TIAM1: variants seen among roughly 807,000 people sequenced by gnomAD.
TIAM1 encodes rho guanine nucleotide exchange factor TIAM1.
TIAM1 carries 65 observed loss-of-function variants against 163.5 expected under a neutral mutation model. The ratio of observed to expected loss-of-function variants is 0.40; its 90% CI spans 0.33 to 0.49. The LOEUF (loss-of-function observed/expected upper bound fraction) is 0.49, where lower values mean the gene tolerates loss of function less well. Ranked by LOEUF, TIAM1 falls within the 20% of genes least tolerant of loss-of-function variation. TIAM1 has a pLI of 0.77. For synonymous variants in TIAM1, 833 were observed against 810.1 expected (o/e 1.03, Z -0.48); for missense variants, 1,789 against 2,044.7 (o/e 0.87, Z 2.41).
intron 15 of TIAM1, among the ~76,000 whole-genome samples, chr21:31,180,312 C>A (rs199901772): frequency 6.6e-6 from 1 of 152,098 alleles, no homozygotes; most frequent in African/African-American, 2.4e-5. Context: ...TCAGGGACAG[C>A]GAATTTGATG....
chr21:31,404,455 A>ACT (rs1441682599), intron 2 of TIAM1, among the ~76,000 whole-genome samples: 1 of 151,908 alleles, frequency 6.6e-6, no homozygotes, highest in Non-Finnish European at 1.5e-5. Context: ...ATCAAAAAAC[A>ACT]CTGGTCAAAT....
At position 31,339,278 on chromosome 21, in the gene TIAM1, C is replaced by T. The variant is rs2075947135; in HGVS notation, c.-224G>A. The T allele has an allele frequency of 2.5e-6, 1 of 398,422 alleles. No homozygotes were observed. The highest frequency in any genetic ancestry group is 4.4e-6 in the Non-Finnish European group (1 of 226,044). 24.7% of individuals were successfully genotyped at this position (398,422 alleles called of 1,614,324 possible). A position where few individuals can be genotyped will look rare whatever the true frequency, so the allele number is the denominator to read the frequency against. The stretch of plus-strand genomic sequence containing the variant: ...ACAGAAGAGGCTTTGTCAAGATCTC[C>T]AAATGGGCCATCTGCAGGGACTGCT... On this transcript the variant is annotated 5_prime_UTR_variant, in exon 2 of 28. Transcript: ENST00000541036.
intron 3 of TIAM1, among the ~76,000 whole-genome samples, chr21:31,276,502 C>T (rs183188660): frequency 1.3e-5 from 2 of 152,138 alleles, no homozygotes; most frequent in Non-Finnish European, 2.9e-5. Flanking sequence ...CAATTCACAG[C>T]GGAGAAAGGA....
chr21:31,397,380 T>C (rs111968446), intron 2 of TIAM1, among the ~76,000 whole-genome samples: 4 of 152,316 alleles, frequency 2.6e-5, no homozygotes, highest in African/African-American at 9.6e-5. Flanking sequence ...TAAGGGTCCA[T>C]GTTTCAAACC....
At chr21:31,133,093 A>T (rs1049140227) in intron 23 of TIAM1, among the ~76,000 whole-genome samples, 1 of 152,100 alleles carries the variant, frequency 6.6e-6, no homozygotes, top group African/African-American at 2.4e-5. Context: ...GGTAACCATG[A>T]TCCTTCCTTC....
intron 1 of TIAM1, among the ~76,000 whole-genome samples, chr21:31,479,442 AGGATGGATGGATAGAT>A (rs1430969311): frequency 3.8e-5 from 5 of 132,522 alleles, no homozygotes; most frequent in African/African-American, 8.3e-5. Flanking sequence ...GATGAATGGA[AGGATGGATGGATAGAT>A]GGATGGATGG....
At chr21:31,475,487 A>G (rs1385348502) in intron 1 of TIAM1, among the ~76,000 whole-genome samples, 1 of 152,196 alleles carries the variant, frequency 6.6e-6, no homozygotes, top group East Asian at 1.9e-4. Flanking sequence ...GGTATTAAAT[A>G]AATGTTATTT....
chr21:31,548,504 T>C (rs1198849458), intron 1 of TIAM1, among the ~76,000 whole-genome samples: 2 of 150,128 alleles, frequency 1.3e-5, no homozygotes, highest in Non-Finnish European at 3.0e-5. Context: ...TTTTTTTTTT[T>C]TGAGACGAGA....
At chr21:31,206,796 C>G (rs949735150) in intron 11 of TIAM1, among the ~76,000 whole-genome samples, 2 of 150,790 alleles carry the variant, frequency 1.3e-5, no homozygotes, top group Non-Finnish European at 2.9e-5. Flanking sequence ...GAATTTACTG[C>G]CTTAGAGCTC....
At chr21:31,538,266 G>T (rs2048204637) in intron 1 of TIAM1, among the ~76,000 whole-genome samples, 1 of 152,144 alleles carries the variant, frequency 6.6e-6, no homozygotes, top group Non-Finnish European at 1.5e-5. Flanking sequence ...TATGTGGCCA[G>T]GTGCGGTTAC....
At chr21:31,295,459 G>T (rs2074216601) in intron 2 of TIAM1, among the ~76,000 whole-genome samples, 2 of 104,514 alleles carry the variant, frequency 1.9e-5, no homozygotes, top group Admixed American at 1.4e-4. Context: ...GACAGAGTGA[G>T]ACTCCATCAC....
chr21:31,398,974 G>A (rs1352599122), intron 2 of TIAM1, among the ~76,000 whole-genome samples: 2 of 152,090 alleles, frequency 1.3e-5, no homozygotes, highest in South Asian at 2.1e-4. Flanking sequence ...CCAGGAGTTC[G>A]AGACCAGCTT....
chr21:31,240,910 C>G (rs973875228), intron 6 of TIAM1, among the ~76,000 whole-genome samples: 1 of 152,282 alleles, frequency 6.6e-6, no homozygotes, highest in Non-Finnish European at 1.5e-5. Flanking sequence ...AATTGTAGTG[C>G]CCATAATTCC....
chr21:31,172,052 C>G (rs1318485580), intron 15 of TIAM1, among the ~76,000 whole-genome samples: 2 of 152,196 alleles, frequency 1.3e-5, no homozygotes, highest in Admixed American at 6.5e-5. Flanking sequence ...GCAAGTAAAA[C>G]AGTTGTTTCA....
At chr21:31,123,971 G>A (rs944347076) in intron 27 of TIAM1, 56 of 152,256 alleles carry the variant, frequency 3.7e-4, no homozygotes, top group African/African-American at 1.1e-3. Flanking sequence ...TTAACATGGA[G>A]ACTAAAAATA....
At chr21:31,418,830 C>CT (rs2043465637) in intron 2 of TIAM1, among the ~76,000 whole-genome samples, 1 of 152,290 alleles carries the variant, frequency 6.6e-6, no homozygotes, top group South Asian at 2.1e-4. Context: ...AGGCCTTTTG[C>CT]TGCAAGCAGG....
At chr21:31,515,224 G>T (rs1256749508) in intron 1 of TIAM1, among the ~76,000 whole-genome samples, 2 of 152,056 alleles carry the variant, frequency 1.3e-5, no homozygotes, top group Non-Finnish European at 2.9e-5. Context: ...TGCCTGGAGG[G>T]CCCCTTCTTC....
intron 6 of TIAM1, among the ~76,000 whole-genome samples, chr21:31,238,067 A>G (rs1390786814): frequency 6.6e-6 from 1 of 152,238 alleles, no homozygotes; most frequent in Non-Finnish European, 1.5e-5. Context: ...TGTTGGTAAC[A>G]TGAATCTCCT....
chr21:31,271,063 A>G (rs949386286), intron 3 of TIAM1, among the ~76,000 whole-genome samples: 2 of 152,168 alleles, frequency 1.3e-5, no homozygotes, highest in East Asian at 3.8e-4. Context: ...CACATTGATC[A>G]TAATTGTAAC....
Sources: allele counts gnomAD v4.1 joint callset (sites outside exome capture counted in the v4.1 genomes callset), GRCh38; gene constraint gnomAD v4.1.1; transcripts MANE v1.5; gene names NCBI Gene and HGNC (gene_info 2026-07-23, HGNC 2026-07-21).